The following RYR2 variants were observed in gnomAD, a reference collection of about 807,000 sequenced individuals.
The protein encoded by RYR2 is ryanodine receptor 2, also known as cardiac muscle ryanodine receptor-calcium release channel.
Under a neutral mutation model 601.1 loss-of-function variants are expected in RYR2, and 227 were observed. The ratio of observed to expected loss-of-function variants is 0.38; its 90% CI spans 0.34 to 0.42. The LOEUF is 0.42. RYR2 is among the 10% of genes least tolerant of loss of function. The pLI is 1.00. For missense variants in RYR2, 4,646 were observed against 6,156.5 expected (o/e 0.75, Z 8.21); for synonymous variants, 2,223 against 2,175.1 (o/e 1.02, Z -0.61).
At position 237,636,992 on chromosome 1, in the gene RYR2, T is replaced by C. The variant is rs146523976; in HGVS notation, c.6793-1365T>C. 4.0e-3 allele frequency among the ~76,000 whole-genome samples: 614 copies of C among 152,230 alleles called. 1 individual carries two copies. Among genetic ancestry groups the C allele is most frequent in the East Asian group, 0.022 (114 of 5,170 alleles). On this transcript the variant is annotated intron_variant, in intron 44 of 104. Coordinates refer to ENST00000366574, the MANE Select transcript of RYR2 (RefSeq NM_001035.3). ...AGTGTCCTAGAAAATGCAAGCTAAA[T>C]TGTAGTGAGAGAAAACCGATTGTCT... is the stretch of plus-strand genomic sequence containing the variant.
intron 58 of RYR2, among the ~76,000 whole-genome samples, chr1:237,673,264 G>C (rs1334483290): frequency 6.6e-6 from 1 of 152,034 alleles, no homozygotes; most frequent in East Asian, 1.9e-4. Flanking sequence ...GTTTGCTGCT[G>C]TTTTAATAGC....
chr1:237,192,415 A>C (rs1451962707), intron 1 of RYR2, among the ~76,000 whole-genome samples: 1 of 152,002 alleles, frequency 6.6e-6, no homozygotes, highest in East Asian at 1.9e-4. Context: ...GGGTTTCACC[A>C]TGTTGGCCAG....
chr1:237,614,941 T>C lies in RYR2; in HGVS notation c.5715+98T>C. On this transcript the variant is annotated intron_variant, in intron 37 of 104. Transcript: ENST00000366574. The surrounding 1 kb of genome is among the most constrained non-coding windows in gnomAD (Gnocchi z 4.3). ...CTTTCTCTGTGTGTGTGTTTATTTCTTTGCATTCCTGTGTAATGGTAGTTC... is the reference window on the plus strand; with the variant it reads ...CTTTCTCTGTGTGTGTGTTTATTTCCTTGCATTCCTGTGTAATGGTAGTTC... 5 of 1,226,318 alleles carry C rather than the reference T, an allele frequency of 4.1e-6. No homozygotes were observed. The highest frequency in any genetic ancestry group is 5.6e-6 in the Non-Finnish European group (5 of 896,192). 76.0% of individuals were successfully genotyped at this position (1,226,318 alleles called of 1,614,324 possible). A position where few individuals can be genotyped will look rare whatever the true frequency, so the allele number is the denominator to read the frequency against.
chr1:237,343,503 T>C (rs1698014915), intron 3 of RYR2, among the ~76,000 whole-genome samples: 1 of 152,102 alleles, frequency 6.6e-6, no homozygotes, highest in African/African-American at 2.4e-5. Flanking sequence ...AGCGTGTGCA[T>C]TGTAGTGTAT....
rs145018196 is a variant in RYR2, at chr1:237,441,269, C to G, written c.1006-50C>G. ...TAAGGCAAAATTCTATTGCCATACA[C>G]TAGTATTTTTGAAATGTTTACTGAC... On this transcript the variant is annotated intron_variant, in intron 12 of 104. Transcript: ENST00000366574. The G allele has an allele frequency of 2.2e-4, 352 of 1,597,230 alleles. 4 individuals carry two copies. In the East Asian group the frequency reaches 7.7e-3, roughly 35 times the overall value.
intron 1 of RYR2, among the ~76,000 whole-genome samples, chr1:237,221,650 A>T (rs1299466582): frequency 6.6e-6 from 1 of 152,234 alleles, no homozygotes; most frequent in Non-Finnish European, 1.5e-5. Flanking sequence ...TTCCTTTATT[A>T]GCTAAATTCG....
intron 1 of RYR2, among the ~76,000 whole-genome samples, chr1:237,103,900 C>G (rs1668392686): frequency 6.6e-6 from 1 of 152,136 alleles, no homozygotes; most frequent in African/African-American, 2.4e-5. Flanking sequence ...TGTTAGCTAG[C>G]ATTCCAACTT....
intron 1 of RYR2, among the ~76,000 whole-genome samples, chr1:237,163,355 A>T (rs1222328099): frequency 1.1e-5 from 1 of 90,282 alleles, no homozygotes; most frequent in Non-Finnish European, 2.0e-5. Context: ...CCAACCCCCT[A>T]CCCCCCCCAC....
chr1:237,734,670 G>T (rs552845007), intron 79 of RYR2, among the ~76,000 whole-genome samples: 1 of 152,294 alleles, frequency 6.6e-6, no homozygotes, highest in South Asian at 2.1e-4. Context: ...GGATAAAAGT[G>T]GAGTGAAGGT....
At chr1:237,748,236 G>A (rs1692245981) in intron 80 of RYR2, among the ~76,000 whole-genome samples, 1 of 152,146 alleles carries the variant, frequency 6.6e-6, no homozygotes. Context: ...GCAGTACAGT[G>A]TGTTGCTCAG....
rs369936811 is a variant in RYR2 at position 237,569,452 on chromosome 1, C to T, written c.3598+133C>T. On this transcript the variant is annotated intron_variant, in intron 29 of 104. Transcript: ENST00000366574. ...GTTGCAGCTGTAAATCGTGAGGGTG[C>T]CTTGTGACTGACTTGATCAGATGCC... 2.5e-5 allele frequency: 19 copies of T among 763,132 alleles called. No homozygotes were observed. The African/African-American group carries it at 3.0e-4, about 12-fold the overall frequency. The allele number at this position is 763,132 out of a possible 1,614,324, so 47.3% of individuals were successfully genotyped here. A position where few individuals can be genotyped will look rare whatever the true frequency, so the allele number is the denominator to read the frequency against.
chr1:237,460,740 TTTCA>T, intron 16 of RYR2, among the ~76,000 whole-genome samples: 1 of 152,178 alleles, frequency 6.6e-6, no homozygotes, highest in Non-Finnish European at 1.5e-5. Context: ...GCACCTGAAC[TTTCA>T]TTCAGGCATA....
intron 20 of RYR2, 134 bp from the exon 21 acceptor site, chr1:237,500,577 C>T: frequency 1.5e-6 from 1 of 681,912 alleles, no homozygotes; most frequent in Middle Eastern, 3.3e-4. Context: ...CATGCGTTTA[C>T]ATTCAAGATT....
intron 47 of RYR2, among the ~76,000 whole-genome samples, chr1:237,641,491 T>TTCTTTCTTTTTCTC (rs1681506098): frequency 8.4e-6 from 1 of 118,518 alleles, no homozygotes; most frequent in Admixed American, 8.4e-5. Context: ...CTTTCTTTCT[T>TTCTTTCTTTTTCTC]TCTTTCTTTC....
intron 73 of RYR2, among the ~76,000 whole-genome samples, chr1:237,721,038 G>A (rs1210531259): frequency 3.3e-5 from 5 of 152,056 alleles, no homozygotes; most frequent in Non-Finnish European, 5.9e-5. Flanking sequence ...TCTTAAACTA[G>A]GAGTTAGGCA....
chr1:237,331,648 T>A (rs922911668), intron 3 of RYR2, among the ~76,000 whole-genome samples: 1 of 150,394 alleles, frequency 6.6e-6, no homozygotes, highest in Non-Finnish European at 1.5e-5. Flanking sequence ...GACTACAGGC[T>A]CCTGCCACCA....
At chr1:237,107,538 G>GAAAAAAAAAAAAAAAAAAAAA (rs1218167557) in intron 1 of RYR2, among the ~76,000 whole-genome samples, 1 of 56,800 alleles carries the variant, frequency 1.8e-5, no homozygotes. Flanking sequence ...AAAAAAAAAG[G>GAAAAAAAAAAAAAAAAAAAAA]AAACATTGTA....
chr1:237,103,028 C>T (rs967152428), intron 1 of RYR2, among the ~76,000 whole-genome samples: 4 of 152,114 alleles, frequency 2.6e-5, no homozygotes, highest in African/African-American at 9.7e-5. Flanking sequence ...CCACGAAAAA[C>T]AACCAAGAAC....
At chr1:237,348,591 T>TCTGCCCATCATCTAG (rs1239040321) in intron 3 of RYR2, among the ~76,000 whole-genome samples, 2 of 152,200 alleles carry the variant, frequency 1.3e-5, no homozygotes. Context: ...ATTGGTGTTA[T>TCTGCCCATCATCTAG]CTGCCCATCA....
Sources: gnomAD v4.1 joint callset for allele counts (sites outside exome capture counted in the v4.1 genomes callset) on GRCh38, gnomAD v4.1.1 for gene constraint, Gnocchi (gnomAD v3.1) non-coding constraint, MANE v1.5 for transcripts, NCBI Gene and HGNC (gene_info 2026-07-23, HGNC 2026-07-21) for gene names.